EIF2B3: variants seen among roughly 807,000 people sequenced by gnomAD.
EIF2B3 encodes the protein eukaryotic translation initiation factor 2B subunit gamma.
A neutral mutation model predicts 54.1 loss-of-function variants in EIF2B3; 20 were observed. The ratio of observed to expected loss-of-function variants is 0.37; its 90% CI spans 0.26 to 0.54. The LOEUF is 0.54. EIF2B3 is among the 20% of genes least tolerant of loss of function. The pLI is 0.86. For missense variants in EIF2B3, 448 were observed against 547.8 expected, an observed-to-expected ratio of 0.82 and a Z score of 1.82; for synonymous variants, 153 against 188.1, an observed-to-expected ratio of 0.81 and a Z score of 1.52.
chr1:44,887,067 C>T (rs1229940150), intron 6 of EIF2B3, among the ~76,000 whole-genome samples: 2 of 152,164 alleles, frequency 1.3e-5, no homozygotes, highest in African/African-American at 4.8e-5. Context: ...GGTAAGCTCT[C>T]TCTCAGATTT....
chr1:44,945,111 A>G (rs1042115746), intron 3 of EIF2B3, among the ~76,000 whole-genome samples: 26 of 152,026 alleles, frequency 1.7e-4, no homozygotes, highest in African/African-American at 5.3e-4. Flanking sequence ...CAGAATCACC[A>G]TTTCTTTTTC....
chr1:44,886,447 A>G (rs1188690494), intron 6 of EIF2B3, among the ~76,000 whole-genome samples: 10 of 152,254 alleles, frequency 6.6e-5, no homozygotes, highest in Non-Finnish European at 1.5e-5. Flanking sequence ...AAACAATGGA[A>G]ACAAATACAC....
chr1:44,939,942 G>C (rs1019330885), intron 4 of EIF2B3, among the ~76,000 whole-genome samples: 1 of 151,986 alleles, frequency 6.6e-6, no homozygotes, highest in African/African-American at 2.4e-5. Flanking sequence ...TGAATACAGG[G>C]AATTGTAAGT....
chr1:44,951,954 A>ATTTTTTTTTTTTTT lies in EIF2B3; in HGVS notation c.295-10303_295-10290dup. ...AGGGGCGCACCACCATGCCTGGCTA[A>ATTTTTTTTTTTTTT]TTTTTTTTTTTTTTTTTTTTTTTTT... On this transcript the variant is annotated intron_variant, in intron 3 of 11. Transcript: ENST00000360403. Among the ~76,000 whole-genome samples, 230 of 44,642 alleles carry ATTTTTTTTTTTTTT rather than the reference A, an allele frequency of 5.2e-3. 39 individuals carry two copies. The highest frequency in any genetic ancestry group is 0.015 in the East Asian group (5 of 324). 29.3% of individuals were successfully genotyped at this position (44,642 alleles called of 152,430 possible).
chr1:44,855,479 C>T (rs1363227318), intron 11 of EIF2B3, among the ~76,000 whole-genome samples: 1 of 152,144 alleles, frequency 6.6e-6, no homozygotes, highest in African/African-American at 2.4e-5. Flanking sequence ...CTCTTTTCCC[C>T]TTCTGAGCAT....
chr1:44,934,291 G>A (rs1031091885), intron 4 of EIF2B3, among the ~76,000 whole-genome samples: 3 of 151,796 alleles, frequency 2.0e-5, no homozygotes, highest in Non-Finnish European at 4.4e-5. Context: ...CCAGCTACTC[G>A]GGAGGCTGAG....
intron 3 of EIF2B3, among the ~76,000 whole-genome samples, chr1:44,956,364 G>C (rs971019592): frequency 6.6e-6 from 1 of 150,514 alleles, no homozygotes; most frequent in African/African-American, 2.5e-5. Context: ...GGGCCTGTCG[G>C]GGGGTGGGGG....
chr1:44,950,789 A>C (rs1644152693), intron 3 of EIF2B3, among the ~76,000 whole-genome samples: 2 of 152,096 alleles, frequency 1.3e-5, no homozygotes, highest in African/African-American at 4.8e-5. Flanking sequence ...CTGGGGTTCA[A>C]GCGATTCTTG....
intron 3 of EIF2B3, among the ~76,000 whole-genome samples, chr1:44,948,987 GCC>G (rs758282364): frequency 2.6e-5 from 4 of 152,040 alleles, no homozygotes; most frequent in Non-Finnish European, 4.4e-5. Context: ...TTGTGCCTCA[GCC>G]TCCCAAGTAG....
intron 5 of EIF2B3, among the ~76,000 whole-genome samples, chr1:44,908,467 T>C (rs895936945): frequency 2.0e-5 from 3 of 152,138 alleles, no homozygotes; most frequent in African/African-American, 7.2e-5. Flanking sequence ...AAGAGTAACT[T>C]TGGCTGAAGG....
intron 4 of EIF2B3, among the ~76,000 whole-genome samples, chr1:44,930,164 A>G (rs1643883827): frequency 6.6e-6 from 1 of 152,076 alleles, no homozygotes; most frequent in African/African-American, 2.4e-5. Context: ...TCATTCATTG[A>G]TTCATTCATT....
chr1:44,962,193 AATCATCATCAACATC>A (rs1644292006), intron 3 of EIF2B3, among the ~76,000 whole-genome samples: 1 of 114,336 alleles, frequency 8.7e-6, no homozygotes, highest in African/African-American at 3.3e-5. Context: ...ACTCCGTCTC[AATCATCATCAACATC>A]ATCATCATCA....
intron 3 of EIF2B3, among the ~76,000 whole-genome samples, chr1:44,947,723 T>C (rs915929348): frequency 3.3e-5 from 5 of 152,160 alleles, no homozygotes; most frequent in African/African-American, 1.2e-4. Flanking sequence ...ATAATGGCTA[T>C]GATCCAAATC....
At chr1:44,864,198 G>T (rs115075978) in intron 10 of EIF2B3, among the ~76,000 whole-genome samples, 2,576 of 152,274 alleles carry the variant, frequency 0.017, 25 homozygotes, top group Non-Finnish European at 0.028. Context: ...GGTAGGGAAT[G>T]AACCAAAAGC....
chr1:44,880,089 T>C, intron 7 of EIF2B3, 81 bp from the exon 8 acceptor site: 1 of 1,510,428 alleles, frequency 6.6e-7, no homozygotes, highest in South Asian at 1.2e-5. Context: ...GTTGTTTTTT[T>C]GTTTATTTAA....
At chr1:44,945,469 G>A (rs1476684856) in intron 3 of EIF2B3, among the ~76,000 whole-genome samples, 2 of 151,380 alleles carry the variant, frequency 1.3e-5, no homozygotes, top group Non-Finnish European at 2.9e-5. Context: ...CAGGAGAATG[G>A]CATGAACCCA....
intron 6 of EIF2B3, among the ~76,000 whole-genome samples, chr1:44,884,452 G>A (rs1373334681): frequency 6.6e-6 from 1 of 152,064 alleles, no homozygotes; most frequent in Admixed American, 6.5e-5. Context: ...GCTGAGGAGG[G>A]TAAGGAAAAC....
chr1:44,975,369 C>T (rs11211063), intron 3 of EIF2B3, among the ~76,000 whole-genome samples: 18,966 of 152,114 alleles, frequency 0.12, 1,474 homozygotes, highest in Non-Finnish European at 0.17. Flanking sequence ...TAGGTGATTT[C>T]GTTGTGCGAA....
chr1:44,950,201 C>T (rs1366983018), intron 3 of EIF2B3, among the ~76,000 whole-genome samples: 2 of 152,156 alleles, frequency 1.3e-5, no homozygotes, highest in Non-Finnish European at 2.9e-5. Context: ...GGTGGGAGAA[C>T]TGTTTGAGGC....
Sources: gnomAD v4.1 joint callset for allele counts (sites outside exome capture counted in the v4.1 genomes callset) on GRCh38, gnomAD v4.1.1 for gene constraint, MANE v1.5 for transcripts, NCBI Gene and HGNC (gene_info 2026-07-23, HGNC 2026-07-21) for gene names.